Variants in NUP133 observed in about 807,000 individuals in gnomAD.
NUP133 encodes nuclear pore complex protein Nup133.
In NUP133, 66 loss-of-function variants were observed where a neutral mutation model predicts 146.2. That is an observed-to-expected ratio of 0.45 (90% CI 0.37 to 0.55). The LOEUF is 0.55. NUP133 is among the 20% of genes least tolerant of loss of function. NUP133 has a pLI of 0.00. For missense variants in NUP133, 1,277 were observed against 1,374.8 expected (o/e 0.93, Z 1.12); for synonymous variants, 521 against 498.8 (o/e 1.04, Z -0.59).
intron 13 of NUP133, among the ~76,000 whole-genome samples, chr1:229,476,202 A>C (rs1318624391): frequency 6.6e-6 from 1 of 152,204 alleles, no homozygotes; most frequent in Non-Finnish European, 1.5e-5. Context: ...GAGTTTTAAA[A>C]ATTTAAGAGT....
Position 229,490,122 on chromosome 1 carries a change from G to A in NUP133, c.1047-20C>T. The stretch of plus-strand genomic sequence containing the variant: ...CCATCACTAATCAATAAAAAAGGAA[G>A]ATGTAAAGCCTCTCTAAAAAACAAC... On this transcript the variant is annotated intron_variant, in intron 8 of 25. Transcript: ENST00000261396. 6.6e-7 allele frequency: 1 copy of A among 1,510,534 alleles called. No homozygotes were observed. Among genetic ancestry groups the A allele is most frequent in the Admixed American group, 2.1e-5 (1 of 47,444 alleles). The allele number at this position is 1,510,534 out of a possible 1,614,324, so 93.6% of individuals were successfully genotyped here. A position where few individuals can be genotyped will look rare whatever the true frequency, so the allele number is the denominator to read the frequency against.
chr1:229,465,288 G>A, intron 17 of NUP133, 132 bp downstream of exon 17: 5 of 696,236 alleles, frequency 7.2e-6, no homozygotes, highest in Non-Finnish European at 1.0e-5. Flanking sequence ...ATTTTGACAA[G>A]AGCTGCTCAT....
At chr1:229,484,181 C>T in intron 11 of NUP133, 36 bp from the exon 12 acceptor site, 3 of 1,453,098 alleles carry the variant, frequency 2.1e-6, no homozygotes, top group Non-Finnish European at 2.9e-6. Flanking sequence ...GAGGTAAAGG[C>T]ATCTGAATAT....
intron 22 of NUP133, among the ~76,000 whole-genome samples, chr1:229,451,653 T>G (rs570692784): frequency 6.6e-6 from 1 of 152,230 alleles, no homozygotes; most frequent in African/African-American, 2.4e-5. Context: ...AAAAATTGTA[T>G]GTGTAATCCT....
Position 229,475,730 on chromosome 1 carries a change from C to G in NUP133, c.1759G>C (p.Ala587Pro), listed in dbSNP as rs1198489125. The change falls in exon 14 of 26, where the codon GCA (alanine) becomes CCA (proline). Residue 587 changes from alanine (A) to proline (P), a missense_variant and splice_region_variant. Coordinates refer to ENST00000261396, the MANE Select transcript of NUP133 (RefSeq NM_018230.3). The stretch of plus-strand genomic sequence containing the variant: ...AGTGACGTATTGCTGAACCCAGGTG[C>G]TTCTGTTAAAACACAGTGATAAAAC... ...PRWAESVPEEAPGFSNTSLII... is the reference protein window; with the variant it reads ...PRWAESVPEEPPGFSNTSLII... 1.2e-6 allele frequency: 2 copies of G among 1,612,722 alleles called. No homozygotes were observed. Among genetic ancestry groups the G allele is most frequent in the South Asian group, 1.1e-5 (1 of 91,056 alleles).
chr1:229,463,408 T>G, intron 19 of NUP133, 135 bp downstream of exon 19: 1 of 992,428 alleles, frequency 1.0e-6, no homozygotes, highest in Non-Finnish European at 1.4e-6. Flanking sequence ...TACAAATTAG[T>G]ATCTTCTCAT....
At position 229,498,212 on chromosome 1, in the gene NUP133, C is replaced by T; in HGVS notation, c.743G>A (p.Gly248Glu). 3 of 1,613,166 alleles carry T rather than the reference C, an allele frequency of 1.9e-6. No homozygotes were observed. The highest frequency in any genetic ancestry group is 2.5e-6 in the Non-Finnish European group (3 of 1,179,710). ...ACCAATTCCTGAAAGCATGCCTTGC[C>T]CCTGAGGCAGGATATGCTGATGAAT... The part of the protein sequence containing the change: ...GKIHQHILPQ[G>E]QGMLSGIGRK... Residue 248 changes from glycine to glutamate, a missense_variant, in exon 6 of 26, where the codon GGG becomes GAG. This residue lies in a region of NUP133 where 6 missense variants were observed against 20.9 expected (regional missense o/e 0.29). Transcript: ENST00000261396.
chr1:229,464,923 T>C (rs1313233980), intron 17 of NUP133, 48 bp from the exon 18 acceptor site: 3 of 1,601,524 alleles, frequency 1.9e-6, no homozygotes, highest in South Asian at 1.1e-5. Context: ...GATCTAGTGA[T>C]GGCTAAAGGA....
At chr1:229,449,874 T>TATATATATATATATATATATA (rs1491123491) in intron 23 of NUP133, among the ~76,000 whole-genome samples, 9 of 78,016 alleles carry the variant, frequency 1.2e-4, no homozygotes, top group African/African-American at 2.7e-4. Flanking sequence ...TATATATATA[T>TATATATATATATATATATATA]TTTTTTTTTT....
intron 23 of NUP133, 74 bp downstream of exon 23, chr1:229,450,451 G>T: frequency 1.5e-6 from 1 of 683,056 alleles, no homozygotes; most frequent in Non-Finnish European, 2.4e-6. Context: ...TTTCATGATT[G>T]ACTAAAAGAG....
chr1:229,457,500 C>G (rs899710662), intron 21 of NUP133, among the ~76,000 whole-genome samples: 4 of 152,124 alleles, frequency 2.6e-5, no homozygotes, highest in Non-Finnish European at 5.9e-5. Context: ...TCCCATATAC[C>G]TTAAATCACC....
intron 9 of NUP133, among the ~76,000 whole-genome samples, chr1:229,489,036 A>T (rs985961113): frequency 6.6e-6 from 1 of 152,238 alleles, no homozygotes; most frequent in African/African-American, 2.4e-5. Context: ...ACTACAGAAC[A>T]CTGCTGAATA....
Position 229,464,803 on chromosome 1 carries a change from G to A in NUP133, c.2372C>T (p.Pro791Leu). 1.9e-6 allele frequency: 3 copies of A among 1,614,166 alleles called. No individual in the cohort carries two copies. In the South Asian group the frequency reaches 3.3e-5, roughly 18 times the overall value. The change falls in exon 18 of 26, where the codon CCA becomes CTA. Residue 791 changes from proline (P) to leucine (L), a missense_variant. Physicochemically the swap from Pro to Leu is moderately conservative, Grantham distance 98. This residue lies in a region of NUP133 where 952 missense variants were observed against 1,047.0 expected (regional missense o/e 0.91). Coordinates refer to ENST00000261396, the MANE Select transcript of NUP133 (RefSeq NM_018230.3). ...GTTTCGGAGGTTGCTGTCTGCCTGT[G>A]GATAAGCCACCTTCAGGACAATCTC... ...QHEIVLKVAY[P>L]QADSNLRNIV...
chr1:229,451,839 G>A (rs979618052), intron 22 of NUP133, among the ~76,000 whole-genome samples: 5 of 151,982 alleles, frequency 3.3e-5, no homozygotes, highest in Admixed American at 6.6e-5. Flanking sequence ...GAGTAAAATC[G>A]GCACTACTTT....
At chr1:229,466,807 G>C (rs760575645) in intron 15 of NUP133, 51 bp from the exon 16 acceptor site, 8 of 1,587,404 alleles carry the variant, frequency 5.0e-6, no homozygotes, top group Non-Finnish European at 6.9e-6. Flanking sequence ...TATGGTGATG[G>C]GTAACAACTA....
chr1:229,470,869 G>T (rs1220134848), intron 14 of NUP133, 65 bp from the exon 15 acceptor site: 2 of 1,468,616 alleles, frequency 1.4e-6, no homozygotes, highest in East Asian at 2.3e-5. Flanking sequence ...TACCATAGCT[G>T]TATTTTCCCC....
intron 11 of NUP133, among the ~76,000 whole-genome samples, chr1:229,484,705 G>A (rs112144261): frequency 2.6e-5 from 4 of 152,014 alleles, no homozygotes; most frequent in South Asian, 2.1e-4. Context: ...TTTAAACAAC[G>A]GTTTAGAAAA....
At chr1:229,505,982 C>T (rs1282111673) in intron 2 of NUP133, 58 bp downstream of exon 2, 2 of 962,260 alleles carry the variant, frequency 2.1e-6, no homozygotes, top group Non-Finnish European at 3.3e-6. Flanking sequence ...AATCTCTATG[C>T]CACATCTAGG....
chr1:229,448,020 T>C (rs1660352777), intron 24 of NUP133, among the ~76,000 whole-genome samples: 2 of 152,230 alleles, frequency 1.3e-5, no homozygotes, highest in South Asian at 4.1e-4. Context: ...TCGTCCTCGC[T>C]GCTCATTATA....
Sources: gnomAD v4.1 joint callset for allele counts (sites outside exome capture counted in the v4.1 genomes callset) on GRCh38, gnomAD v4.1.1 for gene constraint, gnomAD v4.1.1 regional missense constraint, MANE v1.5 for transcripts, NCBI Gene and HGNC (gene_info 2026-07-23, HGNC 2026-07-21) for gene names.